ITGA11: variants seen among roughly 807,000 people sequenced by gnomAD.
The protein encoded by ITGA11 is integrin subunit alpha 11.
ITGA11 carries 97 observed loss-of-function variants against 141.9 expected under a neutral mutation model. That is an observed-to-expected ratio of 0.68 (90% CI 0.58 to 0.81). The LOEUF (loss-of-function observed/expected upper bound fraction) is 0.81, where lower values mean the gene tolerates loss of function less well. Ranked by LOEUF, ITGA11 falls within the 30% of genes least tolerant of loss-of-function variation. The pLI, the probability that ITGA11 is intolerant of heterozygous loss-of-function variation, is 0.00. For missense variants in ITGA11, 1,387 were observed against 1,559.2 expected (o/e 0.89, Z 1.86); for synonymous variants, 658 against 624.6 (o/e 1.05, Z -0.80).
rs949679349 is a variant in ITGA11 at position 68,301,246 on chromosome 15, A to G, written c.*1813T>C. 1 of 152,188 alleles carries G rather than the reference A, an allele frequency of 6.6e-6. No individual in the cohort carries two copies. Among genetic ancestry groups the G allele is most frequent in the Admixed American group, 6.5e-5 (1 of 15,278 alleles). 9.4% of individuals were successfully genotyped at this position (152,188 alleles called of 1,614,324 possible). A position where few individuals can be genotyped will look rare whatever the true frequency, so the allele number is the denominator to read the frequency against. On this transcript the variant is annotated 3_prime_UTR_variant, in exon 30 of 30. Coordinates refer to ENST00000315757, the MANE Select transcript of ITGA11 (RefSeq NM_001004439.2). The surrounding 1 kb of genome is among the most constrained non-coding windows in gnomAD (Gnocchi z 4.4). ...TTCCTGGTTCTGAGTGTCCTCATTT[A>G]TGCAAAAACAAGATCAAATTATTTC... is the stretch of plus-strand genomic sequence containing the variant.
At position 68,307,248 on chromosome 15, in the gene ITGA11, G is replaced by T; in HGVS notation, c.3381+100C>A. The T allele has an allele frequency of 2.5e-6, 2 of 802,054 alleles. No homozygotes were observed. Among genetic ancestry groups the T allele is most frequent in the Non-Finnish European group, 4.0e-6 (2 of 497,924 alleles). The allele number at this position is 802,054 out of a possible 1,614,324, so 49.7% of individuals were successfully genotyped here. ...GCCTGATTCTCTCCTGCTGGGACAT[G>T]CAGCCAGGGGTTGTAGGAAAACTCT... On this transcript the variant is annotated intron_variant, in intron 28 of 29. Transcript: ENST00000315757. This position sits in a 1 kb window ranked among gnomAD's most constrained non-coding sequence, Gnocchi z 6.1.
At chr15:68,368,859 CCTT>C (rs1004918902) in intron 3 of ITGA11, among the ~76,000 whole-genome samples, 1 of 69,002 alleles carries the variant, frequency 1.4e-5, no homozygotes, top group African/African-American at 5.6e-5. Context: ...GACAGGAAGT[CCTT>C]TTTTTTTTTT....
chr15:68,374,917 CT>C (rs1697855810), intron 2 of ITGA11, among the ~76,000 whole-genome samples: 1 of 152,220 alleles, frequency 6.6e-6, no homozygotes, highest in Non-Finnish European at 1.5e-5. Context: ...TTTAATTGCA[CT>C]TGATTTTGAT....
chr15:68,397,942 C>G (rs1416863863), intron 2 of ITGA11, among the ~76,000 whole-genome samples: 1 of 149,192 alleles, frequency 6.7e-6, no homozygotes, highest in African/African-American at 2.4e-5. Context: ...ACTTTACAGA[C>G]AAGCAAATGC....
In ITGA11 at chr15:68,371,543, G is replaced by A. The variant is rs139703626; in HGVS notation, c.165-2259C>T. Reference sequence around the variant, plus strand: ...GCCTGGCCAACATGGTGAAACCCCCGTCTGTACTAAAAAATACAAAAAAAA... The same window carrying A: ...GCCTGGCCAACATGGTGAAACCCCCATCTGTACTAAAAAATACAAAAAAAA... On this transcript the variant is annotated intron_variant, in intron 2 of 29. Coordinates refer to ENST00000315757, the MANE Select transcript of ITGA11 (RefSeq NM_001004439.2). Among the ~76,000 whole-genome samples, 498 of 152,132 alleles carry A rather than the reference G, an allele frequency of 3.3e-3. 1 individual carries two copies. Among genetic ancestry groups the A allele is most frequent in the African/African-American group, 0.012 (483 of 41,490 alleles).
rs78348419 is a variant in ITGA11, at chr15:68,391,465, G to C, written c.164+11453C>G. Among the ~76,000 whole-genome samples, 571 of 152,314 alleles carry C rather than the reference G, an allele frequency of 3.7e-3. 25 individuals carry two copies. The East Asian group carries it at 0.093, about 25-fold the overall frequency. ...CATTTCCAGAGACCCCAGGCACAGT[G>C]ATTTCTCCTTTCAGAGTCTGGCTGG... On this transcript the variant is annotated intron_variant, in intron 2 of 29. Coordinates refer to ENST00000315757, the MANE Select transcript of ITGA11 (RefSeq NM_001004439.2).
At chr15:68,350,577 C>A in intron 9 of ITGA11, 40 bp downstream of exon 9, 2 of 1,587,866 alleles carry the variant, frequency 1.3e-6, no homozygotes, top group Non-Finnish European at 1.7e-6. Context: ...TGACATAAGC[C>A]CAGGAGAGAG....
At chr15:68,376,836 G>A (rs1895741048) in intron 2 of ITGA11, among the ~76,000 whole-genome samples, 1 of 152,210 alleles carries the variant, frequency 6.6e-6, no homozygotes, top group Non-Finnish European at 1.5e-5. Flanking sequence ...GATCACCAGG[G>A]GAGGTACAAA....
chr15:68,317,203 C>T (rs1408062688), intron 21 of ITGA11, 62 bp downstream of exon 21: 4 of 1,242,468 alleles, frequency 3.2e-6, no homozygotes, highest in Non-Finnish European at 4.7e-6. Context: ...CCGCCCTCCC[C>T]AAACTACCTG....
chr15:68,320,653 C>T (rs373602235), intron 19 of ITGA11, among the ~76,000 whole-genome samples: 1 of 152,198 alleles, frequency 6.6e-6, no homozygotes, highest in Admixed American at 6.5e-5. Context: ...TCTTATTTGA[C>T]CTCACCACTC....
chr15:68,339,613 T>G lies in ITGA11; in HGVS notation c.1163A>C (p.Tyr388Ser), dbSNP rs750002358. 6.2e-7 allele frequency: 1 copy of G among 1,613,916 alleles called. No individual in the cohort carries two copies. The highest frequency in any genetic ancestry group is 8.5e-7 in the Non-Finnish European group (1 of 1,179,878). Residue 388 changes from tyrosine (Y) to serine (S), a missense_variant, in exon 11 of 30, where the codon TAT becomes TCT. Tyr to Ser is a moderately radical substitution (Grantham distance 144). Transcript: ENST00000315757. ...CTTTAGCACAGCTCCATTCCAGTCA[T>G]AGGCACCGACGGCTCCCAGCAGAAC... ...DGVLLGAVGA[Y>S]DWNGAVLKET...
intron 20 of ITGA11, among the ~76,000 whole-genome samples, chr15:68,319,522 G>A (rs142042789): frequency 2.6e-5 from 4 of 152,324 alleles, no homozygotes; most frequent in Non-Finnish European, 4.4e-5. Flanking sequence ...AGTGGCAGGA[G>A]GTGGGTGAGA....
intron 20 of ITGA11, 89 bp from the exon 21 acceptor site, chr15:68,317,452 C>T: frequency 1.1e-6 from 1 of 899,602 alleles, no homozygotes; most frequent in Non-Finnish European, 1.9e-6. Flanking sequence ...CTGCACCCCA[C>T]TCTGCAGGGG....
chr15:68,358,702 T>G, intron 5 of ITGA11, 117 bp from the exon 6 acceptor site: 1 of 1,154,782 alleles, frequency 8.7e-7, no homozygotes, highest in Non-Finnish European at 1.2e-6. Flanking sequence ...TGTAATTCCC[T>G]GGGCTGGGAA....
In ITGA11 at chr15:68,315,928, A is replaced by G. The variant is rs550562118; in HGVS notation, c.2716-201T>C. ...TGAGCTTCAGGGCTGCTGTGGGGACACAGCCAAAGACAACAGCTCCCACAA... is the reference window on the plus strand; with the variant it reads ...TGAGCTTCAGGGCTGCTGTGGGGACGCAGCCAAAGACAACAGCTCCCACAA... On this transcript the variant is annotated intron_variant, in intron 21 of 29. Coordinates refer to ENST00000315757, the MANE Select transcript of ITGA11 (RefSeq NM_001004439.2). 1.2e-3 allele frequency among the ~76,000 whole-genome samples: 181 copies of G among 152,310 alleles called. 1 individual carries two copies. Among genetic ancestry groups the G allele is most frequent in the Non-Finnish European group, 9.1e-4 (62 of 68,012 alleles).
chr15:68,351,494 G>C, intron 7 of ITGA11, 92 bp from the exon 8 acceptor site: 1 of 1,437,436 alleles, frequency 7.0e-7, no homozygotes, highest in Non-Finnish European at 9.4e-7. Flanking sequence ...ACAGAAACCA[G>C]GACCAAGTCC....
chr15:68,411,552 G>T lies in ITGA11; in HGVS notation c.53-8523C>A, dbSNP rs1391914212. On this transcript the variant is annotated intron_variant, in intron 1 of 29. Transcript: ENST00000315757. ...GATGGCCAGAGGAAGCCGCTCTATG[G>T]CAGAAGAGAGGAACTGGAGGCACAG... is the stretch of plus-strand genomic sequence containing the variant. Among the ~76,000 whole-genome samples the T allele has an allele frequency of 2.6e-5, 4 of 152,290 alleles. No homozygotes were observed. The East Asian group carries it at 5.8e-4, about 22-fold the overall frequency.
intron 1 of ITGA11, among the ~76,000 whole-genome samples, chr15:68,415,046 T>C (rs1207289549): frequency 6.6e-6 from 1 of 152,196 alleles, no homozygotes; most frequent in African/African-American, 2.4e-5. Flanking sequence ...CCCTGTTTTC[T>C]AGCTTCTCTG....
Position 68,326,552 on chromosome 15 carries a change from T to C in ITGA11, c.2211+102A>G. On this transcript the variant is annotated intron_variant, in intron 17 of 29. Coordinates refer to ENST00000315757, the MANE Select transcript of ITGA11 (RefSeq NM_001004439.2). The surrounding 1 kb of genome is among the most constrained non-coding windows in gnomAD (Gnocchi z 6.8). ...TGTCCCTGGCTGGCTTCCTGAGGTC[T>C]GCTGGGGGCTTAGAACCAGCCAGGC... 5 of 1,346,670 alleles carry C rather than the reference T, an allele frequency of 3.7e-6. No individual in the cohort carries two copies. The highest frequency in any genetic ancestry group is 5.0e-6 in the Non-Finnish European group (5 of 1,003,188). The allele number at this position is 1,346,670 out of a possible 1,614,324, so 83.4% of individuals were successfully genotyped here.
Sources: gnomAD v4.1 joint callset for allele counts (sites outside exome capture counted in the v4.1 genomes callset) on GRCh38, gnomAD v4.1.1 for gene constraint, Gnocchi (gnomAD v3.1) non-coding constraint, MANE v1.5 for transcripts, NCBI Gene and HGNC (gene_info 2026-07-23, HGNC 2026-07-21) for gene names.